The following VAC14 variants were observed in gnomAD, a reference collection of about 807,000 sequenced individuals.
VAC14 encodes VAC14 component of PIKFYVE complex.
A neutral mutation model predicts 85.3 loss-of-function variants in VAC14; 47 were observed. The observed-to-expected ratio is 0.55, with a 90% CI of 0.44 to 0.70. The LOEUF (loss-of-function observed/expected upper bound fraction) is 0.70. VAC14 is among the 30% of genes least tolerant of loss of function. VAC14 has a pLI of 0.00. For missense variants in VAC14, 861 were observed against 1,004.3 expected (o/e 0.86, Z 1.93); for synonymous variants, 447 against 430.5 (o/e 1.04, Z -0.47).
chr16:70,696,718 C>T (rs2053718645), intron 16 of VAC14, among the ~76,000 whole-genome samples: 1 of 152,182 alleles, frequency 6.6e-6, no homozygotes, highest in Non-Finnish European at 1.5e-5. Flanking sequence ...ACCCATATTC[C>T]CAGCTCCAGG....
chr16:70,792,984 C>T (rs1432426582), intron 1 of VAC14, among the ~76,000 whole-genome samples: 2 of 152,202 alleles, frequency 1.3e-5, no homozygotes, highest in Non-Finnish European at 2.9e-5. Context: ...AAGGTCTGAA[C>T]CCTTGACATC....
chr16:70,779,026 A>C (rs557534952), intron 9 of VAC14: 2 of 152,320 alleles, frequency 1.3e-5, no homozygotes, highest in South Asian at 4.1e-4. Context: ...GCTGCCAAAA[A>C]GCTTTCAGCT....
intron 10 of VAC14, among the ~76,000 whole-genome samples, chr16:70,766,968 G>C (rs1304992426): frequency 6.6e-6 from 1 of 152,158 alleles, no homozygotes; most frequent in Non-Finnish European, 1.5e-5. Context: ...CCCTGCTGTC[G>C]TGGCTTACCT....
chr16:70,738,169 G>A (rs773019123), intron 13 of VAC14, among the ~76,000 whole-genome samples: 61 of 152,218 alleles, frequency 4.0e-4, no homozygotes, highest in Non-Finnish European at 6.3e-4. Context: ...GGTGGGGAAG[G>A]GGCAGTTTCC....
chr16:70,801,023 C>A lies in VAC14; in HGVS notation c.-123G>T. ...GGCGCATGGACCACGCCGCTCTAGG[C>A]TTGCCTGCCACGCTCCGCCGCCTCG... is the stretch of plus-strand genomic sequence containing the variant. On this transcript the variant is annotated 5_prime_UTR_variant, in exon 1 of 19. Transcript: ENST00000261776. 2 of 587,812 alleles carry A rather than the reference C, an allele frequency of 3.4e-6. No homozygotes were observed. Among genetic ancestry groups the A allele is most frequent in the Non-Finnish European group, 5.4e-6 (2 of 368,146 alleles). 36.4% of individuals were successfully genotyped at this position (587,812 alleles called of 1,614,324 possible). A position where few individuals can be genotyped will look rare whatever the true frequency, so the allele number is the denominator to read the frequency against.
intron 14 of VAC14, chr16:70,714,080 T>C (rs998288887): frequency 3.3e-5 from 5 of 152,172 alleles, no homozygotes; most frequent in African/African-American, 1.2e-4. Flanking sequence ...CCCTCTCCTG[T>C]GGCCTGCTTG....
At chr16:70,740,849 T>C (rs1185051881) in intron 13 of VAC14, among the ~76,000 whole-genome samples, 3 of 152,050 alleles carry the variant, frequency 2.0e-5, no homozygotes, top group Admixed American at 1.3e-4. Flanking sequence ...GAGGGAGAGA[T>C]GTTTATGCAA....
chr16:70,749,157 C>A (rs1323685705), intron 12 of VAC14, among the ~76,000 whole-genome samples: 4 of 152,170 alleles, frequency 2.6e-5, no homozygotes, highest in African/African-American at 9.7e-5. Flanking sequence ...ACTTCCATTC[C>A]AAGATTTCTG....
intron 6 of VAC14, 57 bp downstream of exon 6, chr16:70,783,388 A>G (rs564989271): frequency 5.8e-6 from 9 of 1,563,590 alleles, no homozygotes; most frequent in Admixed American, 5.0e-5. Context: ...CATGAAGCAC[A>G]TGGGCACAGC....
intron 12 of VAC14, among the ~76,000 whole-genome samples, chr16:70,754,926 G>A (rs566143460): frequency 6.3e-4 from 96 of 152,326 alleles, no homozygotes; most frequent in African/African-American, 2.0e-3. Context: ...GTCCGCTTCT[G>A]AGCAGGCAGC....
At chr16:70,745,482 A>AGTGT (rs145054065) in intron 12 of VAC14, among the ~76,000 whole-genome samples, 15,449 of 143,706 alleles carry the variant, frequency 0.11, 907 homozygotes, top group Non-Finnish European at 0.12. Flanking sequence ...GAGGGGCTTC[A>AGTGT]GTGTGTGTGT....
chr16:70,691,884 G>C (rs1041014427), intron 18 of VAC14: 1 of 985,314 alleles, frequency 1.0e-6, no homozygotes, highest in Non-Finnish European at 1.2e-6. Context: ...TGTGTCCATC[G>C]CAAAGGCGAG....
At chr16:70,711,396 C>T (rs987838416) in intron 14 of VAC14, among the ~76,000 whole-genome samples, 1 of 152,162 alleles carries the variant, frequency 6.6e-6, no homozygotes, top group Admixed American at 6.5e-5. Flanking sequence ...AAGGCCCTGA[C>T]ACTTGCCTTC....
chr16:70,771,415 G>T (rs910015534), intron 10 of VAC14: 1 of 152,078 alleles, frequency 6.6e-6, no homozygotes, highest in Non-Finnish European at 1.5e-5. Flanking sequence ...GGTCTTGTTG[G>T]CCCCCCATCA....
intron 12 of VAC14, among the ~76,000 whole-genome samples, chr16:70,758,000 T>A (rs1258815005): frequency 1.3e-5 from 2 of 152,292 alleles, no homozygotes; most frequent in African/African-American, 4.8e-5. Context: ...CAGGCCTCAG[T>A]GTCACCTGGG....
intron 9 of VAC14, chr16:70,773,240 C>T (rs900587418): frequency 1.3e-5 from 2 of 152,170 alleles, no homozygotes; most frequent in Admixed American, 1.3e-4. Context: ...CAATAAAGGG[C>T]TTAAAAAATG....
intron 12 of VAC14, among the ~76,000 whole-genome samples, chr16:70,758,369 G>A (rs973964682): frequency 6.6e-6 from 1 of 152,162 alleles, no homozygotes; most frequent in African/African-American, 2.4e-5. Flanking sequence ...CAGGGTCCCC[G>A]GTAAGGAAGG....
chr16:70,735,206 G>T (rs555593261), intron 13 of VAC14, among the ~76,000 whole-genome samples: 2 of 152,162 alleles, frequency 1.3e-5, no homozygotes, highest in Admixed American at 1.3e-4. Context: ...AGGCATCTGG[G>T]ACCATCATTT....
At chr16:70,698,481 G>A (rs957271178) in intron 15 of VAC14, among the ~76,000 whole-genome samples, 156 bp downstream of exon 15, 3 of 152,192 alleles carry the variant, frequency 2.0e-5, no homozygotes, top group South Asian at 4.1e-4. Context: ...CCACTCACCC[G>A]GGATCCCTAT....
Sources: allele counts gnomAD v4.1 joint callset (sites outside exome capture counted in the v4.1 genomes callset), GRCh38; gene constraint gnomAD v4.1.1; transcripts MANE v1.5; gene names NCBI Gene and HGNC (gene_info 2026-07-23, HGNC 2026-07-21).